The following SMAP2 variants were observed in gnomAD, a reference collection of about 807,000 sequenced individuals.
SMAP2 encodes the protein stromal membrane-associated protein 2.
In SMAP2, 25 loss-of-function variants were observed where a neutral mutation model predicts 56.4. That is an observed-to-expected ratio of 0.44 (90% CI 0.32 to 0.62). The LOEUF (loss-of-function observed/expected upper bound fraction) is 0.62, where lower values mean the gene tolerates loss of function less well. Ranked by LOEUF, SMAP2 falls within the 20% of genes least tolerant of loss-of-function variation. The pLI is 0.04. For missense variants in SMAP2, 388 were observed against 545.6 expected, an observed-to-expected ratio of 0.71 and a Z score of 2.88; for synonymous variants, 157 against 181.7, an observed-to-expected ratio of 0.86 and a Z score of 1.09.
intron 1 of SMAP2, among the ~76,000 whole-genome samples, chr1:40,378,386 A>G (rs1002682495): frequency 6.6e-6 from 1 of 152,206 alleles, no homozygotes; most frequent in Non-Finnish European, 1.5e-5. Flanking sequence ...TGACCTAAAT[A>G]TTTGTGTCCA....
chr1:40,393,505 GT>G, intron 1 of SMAP2: 1 of 1,404,108 alleles, frequency 7.1e-7, no homozygotes, highest in Non-Finnish European at 9.7e-7. Flanking sequence ...GTGAGAGACT[GT>G]AAGTTGATCA....
At chr1:40,355,500 G>A (rs1644431579) in intron 1 of SMAP2, among the ~76,000 whole-genome samples, 1 of 152,150 alleles carries the variant, frequency 6.6e-6, no homozygotes, top group African/African-American at 2.4e-5. Context: ...AATCACATCA[G>A]GGTAAATAGG....
In SMAP2 at chr1:40,415,874, T is replaced by C. The variant is rs775002333; in HGVS notation, c.682-302T>C. Among the ~76,000 whole-genome samples, 83 of 152,250 alleles carry C rather than the reference T, an allele frequency of 5.5e-4. 2 individuals are homozygous for C. Among genetic ancestry groups the C allele is most frequent in the Non-Finnish European group, 4.7e-4 (32 of 68,048 alleles). On this transcript the variant is annotated intron_variant, in intron 7 of 9. Coordinates refer to ENST00000372718, the MANE Select transcript of SMAP2 (RefSeq NM_022733.3). ...TTGTAAAAGTTATGTGACTAGCCTG[T>C]GGTTATACTAGTAAATGGCTACACT...
At chr1:40,353,470 G>A (rs1644418978) in intron 1 of SMAP2, among the ~76,000 whole-genome samples, 1 of 152,188 alleles carries the variant, frequency 6.6e-6, no homozygotes, top group Non-Finnish European at 1.5e-5. Flanking sequence ...CCGGGTTCAA[G>A]TGATTCTCCT....
At chr1:40,421,038 CTTT>C (rs749926230) in intron 9 of SMAP2, among the ~76,000 whole-genome samples, 1 of 133,300 alleles carries the variant, frequency 7.5e-6, no homozygotes. Context: ...ATAGCTGCAG[CTTT>C]TTTTTTTTTT....
At chr1:40,403,557 T>C (rs1260554667) in intron 1 of SMAP2, 6 of 504,790 alleles carry the variant, frequency 1.2e-5, no homozygotes. Flanking sequence ...AGTGTTGGTA[T>C]ATATTACATA....
chr1:40,400,526 G>A (rs773748805), intron 1 of SMAP2, among the ~76,000 whole-genome samples: 4 of 152,152 alleles, frequency 2.6e-5, no homozygotes, highest in Non-Finnish European at 4.4e-5. Context: ...CAGATGGAGA[G>A]AAGAGATACT....
chr1:40,392,447 C>G (rs185110523), intron 1 of SMAP2, among the ~76,000 whole-genome samples: 1 of 152,272 alleles, frequency 6.6e-6, no homozygotes, highest in Non-Finnish European at 1.5e-5. Context: ...AGTCTTCAAG[C>G]CAAACAATTG....
At chr1:40,363,756 C>T (rs1037121534) in intron 2 of SMAP2, among the ~76,000 whole-genome samples, 8 of 152,150 alleles carry the variant, frequency 5.3e-5, no homozygotes, top group African/African-American at 1.9e-4. Flanking sequence ...CACCAGCAGC[C>T]GTGTGGATCA....
chr1:40,417,227 G>C, intron 9 of SMAP2, 131 bp downstream of exon 9: 1 of 499,662 alleles, frequency 2.0e-6, no homozygotes, highest in South Asian at 4.0e-5. Flanking sequence ...TGTTAGGTTT[G>C]CTTTTTTTTT....
At position 40,385,095 on chromosome 1, in the gene SMAP2, C is replaced by T. The variant is rs911104575; in HGVS notation, c.103+10872C>T. 6.6e-5 allele frequency among the ~76,000 whole-genome samples: 10 copies of T among 152,072 alleles called. No individual in the cohort carries two copies. The highest frequency in any genetic ancestry group is 1.2e-4 in the Non-Finnish European group (8 of 68,014). ...CAGATCTGCCTCAGCTGTGGCCATC[C>T]GTCAGCGTAAGGTTGCTCTGGTGGT... On this transcript the variant is annotated intron_variant, in intron 1 of 9. Coordinates refer to ENST00000372718, the MANE Select transcript of SMAP2 (RefSeq NM_022733.3). The surrounding 1 kb of genome is among the most constrained non-coding windows in gnomAD (Gnocchi z 4.5).
intron 9 of SMAP2, among the ~76,000 whole-genome samples, chr1:40,418,182 A>G (rs1645008337): frequency 6.6e-6 from 1 of 152,192 alleles, no homozygotes; most frequent in African/African-American, 2.4e-5. Context: ...TGGATAAAAA[A>G]CTGCATGCTG....
Position 40,374,307 on chromosome 1 carries a change from C to A in SMAP2, c.103+84C>A. On this transcript the variant is annotated intron_variant, in intron 1 of 9. Transcript: ENST00000372718. This position sits in a 1 kb window ranked among gnomAD's most constrained non-coding sequence, Gnocchi z 5.9. Reference sequence around the variant, plus strand: ...CTGCGTGAAGAGGCGGTTTCTGAAGCTTAGGCCGCCCAACTCGGCTTATAA... The same window carrying A: ...CTGCGTGAAGAGGCGGTTTCTGAAGATTAGGCCGCCCAACTCGGCTTATAA... 1 of 1,161,332 alleles carries A rather than the reference C, an allele frequency of 8.6e-7. No individual in the cohort carries two copies. The highest frequency in any genetic ancestry group is 1.5e-5 in the African/African-American group (1 of 65,828). 71.9% of individuals were successfully genotyped at this position (1,161,332 alleles called of 1,614,324 possible). A position where few individuals can be genotyped will look rare whatever the true frequency, so the allele number is the denominator to read the frequency against.
Position 40,395,063 on chromosome 1 carries a change from C to A in SMAP2, c.104-11673C>A, listed in dbSNP as rs559484017. Among the ~76,000 whole-genome samples, 83 of 152,232 alleles carry A rather than the reference C, an allele frequency of 5.5e-4. 2 individuals carry two copies. The South Asian group carries it at 0.017, about 30-fold the overall frequency. ...GAAGAGGAGTAATGAGAATTAAAGA[C>A]CCAGATCACAGGAGAATTTAAGCCA... On this transcript the variant is annotated intron_variant, in intron 1 of 9. Transcript: ENST00000372718.
intron 1 of SMAP2, among the ~76,000 whole-genome samples, chr1:40,352,449 G>C (rs2124160076): frequency 6.6e-6 from 1 of 152,276 alleles, no homozygotes; most frequent in South Asian, 2.1e-4. Context: ...ACTCCACTCT[G>C]TCAAGGCAGA....
At chr1:40,392,066 A>G (rs957649898) in intron 1 of SMAP2, among the ~76,000 whole-genome samples, 7 of 151,802 alleles carry the variant, frequency 4.6e-5, no homozygotes, top group African/African-American at 1.7e-4. Flanking sequence ...CTGCACACCA[A>G]CTCCACCCAG....
intron 1 of SMAP2, chr1:40,393,465 A>G (rs1644737284): frequency 4.6e-6 from 7 of 1,535,644 alleles, no homozygotes; most frequent in Non-Finnish European, 6.1e-6. Context: ...TGTTTTGCAA[A>G]TAGAGGAAAT....
intron 1 of SMAP2, among the ~76,000 whole-genome samples, chr1:40,376,703 T>A (rs1644544278): frequency 6.6e-6 from 1 of 152,192 alleles, no homozygotes; most frequent in South Asian, 2.1e-4. Context: ...TACATTTCAT[T>A]GGAGGAGGAA....
At position 40,374,743 on chromosome 1, in the gene SMAP2, A is replaced by G; in HGVS notation, c.103+520A>G. ...TTTGCTTCCTGCTATTTGGTTAGCA[A>G]CTCCTGTCATTTTGCAGCCTTGCTA... On this transcript the variant is annotated intron_variant, in intron 1 of 9. Transcript: ENST00000372718. This position sits in a 1 kb window ranked among gnomAD's most constrained non-coding sequence, Gnocchi z 5.9. 1 of 1,550,060 alleles carries G rather than the reference A, an allele frequency of 6.5e-7. No individual in the cohort carries two copies. The highest frequency in any genetic ancestry group is 2.0e-5 in the Admixed American group (1 of 50,940).
Sources: gnomAD v4.1 joint callset for allele counts (sites outside exome capture counted in the v4.1 genomes callset) on GRCh38, gnomAD v4.1.1 for gene constraint, Gnocchi (gnomAD v3.1) non-coding constraint, MANE v1.5 for transcripts, NCBI Gene and HGNC (gene_info 2026-07-23, HGNC 2026-07-21) for gene names.